The following SLC30A2 variants were observed in gnomAD, a reference collection of about 807,000 sequenced individuals.
SLC30A2 encodes the protein proton-coupled zinc antiporter SLC30A2.
In SLC30A2, 19 loss-of-function variants were observed where a neutral mutation model predicts 39.6. That is an observed-to-expected ratio of 0.48 (90% CI 0.34 to 0.70). SLC30A2 has a LOEUF of 0.70. Among genes scored for constraint, SLC30A2 ranks in the 30% least tolerant of loss-of-function variants. The pLI, the probability that SLC30A2 is intolerant of heterozygous loss-of-function variation, is 0.01. For synonymous variants in SLC30A2, 195 were observed against 194.8 expected (o/e 1.00, Z -0.01); for missense variants, 387 against 479.4 (o/e 0.81, Z 1.80).
intron 1 of SLC30A2, 54 bp from the exon 2 acceptor site, chr1:26,045,271 C>G: frequency 7.0e-7 from 1 of 1,428,512 alleles, no homozygotes; most frequent in Non-Finnish European, 9.8e-7. Flanking sequence ...GTAAGGAGGG[C>G]CGACTCTAGT....
Position 26,039,760 on chromosome 1 carries a change from G to A in SLC30A2, c.973+17C>T. Reference sequence around the variant, plus strand: ...CTGCCTGTCTCCCACCCCACCCTGAGTGTCCCAAGCACTCACCAATGGCGA... The same window carrying A: ...CTGCCTGTCTCCCACCCCACCCTGAATGTCCCAAGCACTCACCAATGGCGA... On this transcript the variant is annotated intron_variant, in intron 7 of 7. Coordinates refer to ENST00000374276, the MANE Select transcript of SLC30A2 (RefSeq NM_001004434.3). The surrounding 1 kb of genome is among the most constrained non-coding windows in gnomAD (Gnocchi z 4.3). The A allele has an allele frequency of 6.2e-7, 1 of 1,610,448 alleles. No homozygotes were observed. The highest frequency in any genetic ancestry group is 8.5e-7 in the Non-Finnish European group (1 of 1,177,420).
intron 1 of SLC30A2, among the ~76,000 whole-genome samples, 177 bp downstream of exon 1, chr1:26,045,643 CAGGGGTCAGAATCTGGGCTGCGCCCCA>C (rs2050454310): frequency 6.6e-6 from 1 of 152,168 alleles, no homozygotes; most frequent in Admixed American, 6.5e-5. Context: ...CCCCCGCGGG[CAGGGGTCAGAATCTGGGCTGCGCCCCA>C]AGGGAGAGAC....
Position 26,046,058 on chromosome 1 carries a change from C to A in SLC30A2, c.-162G>T. The A allele has an allele frequency of 7.5e-7, 1 of 1,333,106 alleles. No individual in the cohort carries two copies. The highest frequency in any genetic ancestry group is 4.2e-5 in the Admixed American group (1 of 23,882). 82.6% of individuals were successfully genotyped at this position (1,333,106 alleles called of 1,614,324 possible). A position where few individuals can be genotyped will look rare whatever the true frequency, so the allele number is the denominator to read the frequency against. On this transcript the variant is annotated 5_prime_UTR_variant, in exon 1 of 8. Transcript: ENST00000374276. This position sits in a 1 kb window ranked among gnomAD's most constrained non-coding sequence, Gnocchi z 4.4. ...CTGCGGCCCCTGAGCTCCCCCGGCT[C>A]CCGCTGCGGCTGCAGCTCCGGCTCT...
chr1:26,043,510 C>T lies in SLC30A2; in HGVS notation c.460G>A (p.Val154Met), dbSNP rs779729990. Reference protein sequence around the residue: ...ALVSVLSIWVVTGVLVYLAVE... With the variant: ...ALVSVLSIWVMTGVLVYLAVE... ...GCCAGGTACACCAGTACCCCCGTCA[C>T]GACCCAGATGGACAGTACAGAGACC... Residue 154 changes from valine (V) to methionine (M), a missense_variant, in exon 4 of 8, where the codon GTG becomes ATG. Transcript: ENST00000374276. 9 of 1,614,114 alleles carry T rather than the reference C, an allele frequency of 5.6e-6. No homozygotes were observed. Among genetic ancestry groups the T allele is most frequent in the South Asian group, 5.5e-5 (5 of 91,070 alleles).
intron 6 of SLC30A2, among the ~76,000 whole-genome samples, chr1:26,040,421 G>A (rs777734514): frequency 1.3e-4 from 20 of 151,992 alleles, no homozygotes; most frequent in Non-Finnish European, 1.2e-4. Context: ...GCTAATTTTT[G>A]TATTTTTGGT....
Position 26,038,978 on chromosome 1 carries a change from C to G in SLC30A2, c.*182G>C, listed in dbSNP as rs2050368356. The G allele has an allele frequency of 3.6e-6, 5 of 1,389,816 alleles. No individual in the cohort carries two copies. The East Asian group carries it at 1.3e-4, about 36-fold the overall frequency. 86.1% of individuals were successfully genotyped at this position (1,389,816 alleles called of 1,614,324 possible). ...TAGCTTTATACCCGCTGAGTCCCCA[C>G]CCTGGCTGTAGTCAGATGGGAGGCT... On this transcript the variant is annotated 3_prime_UTR_variant, in exon 8 of 8. Coordinates refer to ENST00000374276, the MANE Select transcript of SLC30A2 (RefSeq NM_001004434.3).
intron 5 of SLC30A2, 50 bp downstream of exon 5, chr1:26,042,499 G>C (rs1331279400): frequency 6.6e-7 from 1 of 1,521,290 alleles, no homozygotes; most frequent in Admixed American, 1.7e-5. Context: ...GTATACTCAG[G>C]TGGTCTACAC....
chr1:26,037,285 G>C lies in SLC30A2; in HGVS notation c.*1875C>G, dbSNP rs1178406643. 6.9e-6 allele frequency: 1 copy of C among 144,416 alleles called. No individual in the cohort carries two copies. Among genetic ancestry groups the C allele is most frequent in the East Asian group, 2.0e-4 (1 of 4,984 alleles). 8.9% of individuals were successfully genotyped at this position (144,416 alleles called of 1,614,324 possible). On this transcript the variant is annotated 3_prime_UTR_variant, in exon 8 of 8. Coordinates refer to ENST00000374276, the MANE Select transcript of SLC30A2 (RefSeq NM_001004434.3). ...GTCTCGCTCTGTCACCCAGGCTGGA[G>C]TGCAGTGGTGTGATCTCAGCTCACT...
In SLC30A2 at chr1:26,039,116, C is replaced by G. The variant is rs375665697; in HGVS notation, c.*44G>C. On this transcript the variant is annotated 3_prime_UTR_variant, in exon 8 of 8. Coordinates refer to ENST00000374276, the MANE Select transcript of SLC30A2 (RefSeq NM_001004434.3). The surrounding 1 kb of genome is among the most constrained non-coding windows in gnomAD (Gnocchi z 4.3). Reference sequence around the variant, plus strand: ...GCCTGGGGGACACTCAGTCCAGCCACCTGCAGGTCCTGTTCATGCCCCAGT... The same window carrying G: ...GCCTGGGGGACACTCAGTCCAGCCAGCTGCAGGTCCTGTTCATGCCCCAGT... 82 of 1,597,436 alleles carry G rather than the reference C, an allele frequency of 5.1e-5. No homozygotes were observed. The highest frequency in any genetic ancestry group is 6.5e-5 in the Non-Finnish European group (76 of 1,167,150).
intron 6 of SLC30A2, among the ~76,000 whole-genome samples, chr1:26,040,803 G>A (rs1219426001): frequency 6.6e-6 from 1 of 152,096 alleles, no homozygotes; most frequent in Non-Finnish European, 1.5e-5. Context: ...AGAAAGCCAA[G>A]GTGCAGGGCC....
In SLC30A2 at chr1:26,039,022, G is replaced by C; in HGVS notation, c.*138C>G. 7.0e-7 allele frequency: 1 copy of C among 1,432,648 alleles called. No individual in the cohort carries two copies. Among genetic ancestry groups the C allele is most frequent in the South Asian group, 1.5e-5 (1 of 64,844 alleles). 88.7% of individuals were successfully genotyped at this position (1,432,648 alleles called of 1,614,324 possible). A position where few individuals can be genotyped will look rare whatever the true frequency, so the allele number is the denominator to read the frequency against. On this transcript the variant is annotated 3_prime_UTR_variant, in exon 8 of 8. Coordinates refer to ENST00000374276, the MANE Select transcript of SLC30A2 (RefSeq NM_001004434.3). The surrounding 1 kb of genome is among the most constrained non-coding windows in gnomAD (Gnocchi z 4.3). ...GGAGGCTGGGAAGAGCTCCATTCCT[G>C]GAGTGGGGCAGAGGTCAGGAGGGGG...
In SLC30A2 at chr1:26,038,513, A is replaced by G. The variant is rs1347225584; in HGVS notation, c.*647T>C. 1 of 152,188 alleles carries G rather than the reference A, an allele frequency of 6.6e-6. No individual in the cohort carries two copies. Among genetic ancestry groups the G allele is most frequent in the African/African-American group, 2.4e-5 (1 of 41,428 alleles). 9.4% of individuals were successfully genotyped at this position (152,188 alleles called of 1,614,324 possible). On this transcript the variant is annotated 3_prime_UTR_variant, in exon 8 of 8. Coordinates refer to ENST00000374276, the MANE Select transcript of SLC30A2 (RefSeq NM_001004434.3). Reference sequence around the variant, plus strand: ...GAAATCTCTCTACCCCCTGCCCACCACCTGTGCCAAAGTTGTTTTTTGTGT... The same window carrying G: ...GAAATCTCTCTACCCCCTGCCCACCGCCTGTGCCAAAGTTGTTTTTTGTGT...
chr1:26,043,776 C>T (rs11247851), intron 3 of SLC30A2, among the ~76,000 whole-genome samples: 86,741 of 152,014 alleles, frequency 0.57, 27,782 homozygotes, highest in East Asian at 0.74. Flanking sequence ...CATCTGAGTC[C>T]ACCTTTTTGG....
intron 5 of SLC30A2, among the ~76,000 whole-genome samples, chr1:26,042,095 C>T (rs1569700681): frequency 6.6e-6 from 1 of 152,234 alleles, no homozygotes; most frequent in East Asian, 1.9e-4. Flanking sequence ...CGCCATCCGT[C>T]CCCATTTGAC....
chr1:26,045,401 G>C, intron 1 of SLC30A2, 184 bp from the exon 2 acceptor site: 1 of 616,118 alleles, frequency 1.6e-6, no homozygotes, highest in East Asian at 2.7e-5. Context: ...TGGGAGTCCT[G>C]GGGCCCGGGG....
intron 1 of SLC30A2, 37 bp from the exon 2 acceptor site, chr1:26,045,254 A>G: frequency 6.4e-7 from 1 of 1,554,636 alleles, no homozygotes; most frequent in Middle Eastern, 2.3e-4. Flanking sequence ...CTCAGCTCTG[A>G]GATGAGGTAA....
intron 1 of SLC30A2, chr1:26,045,520 C>T: frequency 1.7e-6 from 1 of 591,664 alleles, no homozygotes; most frequent in Non-Finnish European, 3.0e-6. Flanking sequence ...AACAGCAGGC[C>T]CCCTCCAGCG....
At chr1:26,045,474 G>C (rs1394019247) in intron 1 of SLC30A2, 2 of 593,870 alleles carry the variant, frequency 3.4e-6, no homozygotes, top group East Asian at 2.8e-5. Flanking sequence ...CTGTCCAGTG[G>C]AGCGCGGGGA....
At position 26,044,417 on chromosome 1, in the gene SLC30A2, A is replaced by G. The variant is rs1326705247; in HGVS notation, c.299T>C (p.Val100Ala). The G allele has an allele frequency of 6.2e-7, 1 of 1,613,840 alleles. No individual in the cohort carries two copies. The highest frequency in any genetic ancestry group is 8.5e-7 in the Non-Finnish European group (1 of 1,179,940). ...VGGYLAHSLA[V>A]MTDAAHLLTD... is the part of the protein sequence containing the mutation. ...GAGCAGGTGTGCTGCGTCAGTCATG[A>G]CAGCCAAGCTGTGTGCCAGGTACCC... Residue 100 changes from valine to alanine, a missense_variant, in exon 3 of 8, where the codon GTC (valine) becomes GCC (alanine). Transcript: ENST00000374276.
Sources: gnomAD v4.1 joint callset for allele counts (sites outside exome capture counted in the v4.1 genomes callset) on GRCh38, gnomAD v4.1.1 for gene constraint, Gnocchi (gnomAD v3.1) non-coding constraint, MANE v1.5 for transcripts, NCBI Gene and HGNC (gene_info 2026-07-23, HGNC 2026-07-21) for gene names.